Variants in DLG2 observed in about 807,000 individuals in gnomAD.
The protein encoded by DLG2 is disks large homolog 2.
DLG2 carries 45 observed loss-of-function variants against 132.5 expected under a neutral mutation model. That is an observed-to-expected ratio of 0.34 (90% CI 0.27 to 0.44). The LOEUF is 0.44. DLG2 is among the 20% of genes least tolerant of loss of function. The pLI, the probability that DLG2 is intolerant of heterozygous loss-of-function variation, is 1.00. For synonymous variants in DLG2, 424 were observed against 419.6 expected (o/e 1.01, Z -0.13); for missense variants, 1,045 against 1,196.9 (o/e 0.87, Z 1.87).
chr11:83,790,393 T>G, intron 17 of DLG2: 1 of 966,092 alleles, frequency 1.0e-6, no homozygotes. Context: ...CTAGCTTCCC[T>G]TCTGCCTCCC....
chr11:83,912,808 C>G (rs2154113246), intron 15 of DLG2, among the ~76,000 whole-genome samples: 1 of 152,158 alleles, frequency 6.6e-6, no homozygotes, highest in South Asian at 2.1e-4. Context: ...CAGCTCAACT[C>G]TATGGACTCG....
intron 6 of DLG2, among the ~76,000 whole-genome samples, chr11:84,784,362 A>AAATT (rs1157757583): frequency 1.4e-5 from 2 of 140,084 alleles, no homozygotes; most frequent in East Asian, 2.0e-4. Context: ...ATAAATAAAT[A>AAATT]AATAAATTAA....
At chr11:85,015,489 T>A (rs1024318193) in intron 6 of DLG2, among the ~76,000 whole-genome samples, 14 of 151,774 alleles carry the variant, frequency 9.2e-5, no homozygotes, top group Non-Finnish European at 1.8e-4. Context: ...TTTCTGTTTT[T>A]AAAAAAGTAA....
intron 17 of DLG2, among the ~76,000 whole-genome samples, chr11:83,823,309 GA>G (rs1332576320): frequency 2.4e-4 from 36 of 152,200 alleles, no homozygotes; most frequent in Admixed American, 2.0e-3. Context: ...ACATAGAGAA[GA>G]CACTTTGAAA....
chr11:84,770,882 T>G (rs913838830), intron 6 of DLG2, among the ~76,000 whole-genome samples: 4 of 151,620 alleles, frequency 2.6e-5, no homozygotes, highest in African/African-American at 9.7e-5. Flanking sequence ...CTCCTGACCC[T>G]CGTGATCTGC....
At chr11:84,315,096 G>A (rs781429703) in intron 7 of DLG2, among the ~76,000 whole-genome samples, 6 of 152,010 alleles carry the variant, frequency 3.9e-5, no homozygotes, top group African/African-American at 7.2e-5. Context: ...AAGGAGAGAT[G>A]GTGGCTACCT....
intron 21 of DLG2, among the ~76,000 whole-genome samples, chr11:83,488,608 G>T (rs1565439756): frequency 6.6e-6 from 1 of 151,798 alleles, no homozygotes; most frequent in Non-Finnish European, 1.5e-5. Flanking sequence ...TCATCTTCCT[G>T]TTCTTATTTC....
At chr11:84,349,837 A>AAAAT (rs2098554782) in intron 7 of DLG2, among the ~76,000 whole-genome samples, 1 of 150,602 alleles carries the variant, frequency 6.6e-6, no homozygotes, top group Non-Finnish European at 1.5e-5. Flanking sequence ...CTGCCTCTAA[A>AAAAT]ATATATATAT....
intron 22 of DLG2, among the ~76,000 whole-genome samples, chr11:83,483,094 G>T (rs987938246): frequency 6.6e-6 from 1 of 152,074 alleles, no homozygotes; most frequent in Non-Finnish European, 1.5e-5. Flanking sequence ...CAAAACGATC[G>T]AAAGTTACTT....
intron 3 of DLG2, among the ~76,000 whole-genome samples, chr11:85,592,082 C>T (rs1346959736): frequency 1.3e-5 from 2 of 152,088 alleles, no homozygotes; most frequent in Non-Finnish European, 2.9e-5. Flanking sequence ...TTAGTCTAGC[C>T]CCAAAAATTT....
intron 11 of DLG2, among the ~76,000 whole-genome samples, chr11:84,041,844 C>A (rs530166435): frequency 6.6e-6 from 1 of 151,708 alleles, no homozygotes; most frequent in Non-Finnish European, 1.5e-5. Flanking sequence ...AACTGGTGGG[C>A]GGTGATTGAA....
chr11:83,499,865 ATATAT>A lies in DLG2; in HGVS notation c.2194-15642_2194-15638del, dbSNP rs2094365062. Reference sequence around the variant, plus strand: ...CCACTAATAGGAGATATATATATATATATATATATATATATATATATATATATATA... The same window carrying A: ...CCACTAATAGGAGATATATATATATAATATATATATATATATATATATATA... On this transcript the variant is annotated intron_variant, in intron 21 of 27. Transcript: ENST00000376104. Among the ~76,000 whole-genome samples, 3 of 57,226 alleles carry A rather than the reference ATATAT, an allele frequency of 5.2e-5. No individual in the cohort carries two copies. The South Asian group carries it at 1.5e-3, about 29-fold the overall frequency. The allele number at this position is 57,226 out of a possible 152,430, so 37.5% of individuals were successfully genotyped here. A position where few individuals can be genotyped will look rare whatever the true frequency, so the allele number is the denominator to read the frequency against.
At chr11:83,551,013 T>C (rs1029724263) in intron 19 of DLG2, among the ~76,000 whole-genome samples, 3 of 152,188 alleles carry the variant, frequency 2.0e-5, no homozygotes, top group African/African-American at 7.2e-5. Flanking sequence ...GCATGACTCG[T>C]GAAGATCATG....
At chr11:83,588,495 AC>A (rs2097132044) in intron 19 of DLG2, among the ~76,000 whole-genome samples, 2 of 152,174 alleles carry the variant, frequency 1.3e-5, no homozygotes, top group Admixed American at 1.3e-4. Context: ...CATCACCATC[AC>A]CATCATCAAA....
intron 7 of DLG2, among the ~76,000 whole-genome samples, chr11:84,321,046 T>C (rs1472005389): frequency 2.0e-5 from 3 of 152,326 alleles, no homozygotes; most frequent in African/African-American, 7.2e-5. Context: ...ATTTTTGCAA[T>C]TGAATCTAAG....
At chr11:85,211,332 T>C (rs895847134) in intron 4 of DLG2, among the ~76,000 whole-genome samples, 4 of 152,182 alleles carry the variant, frequency 2.6e-5, no homozygotes, top group African/African-American at 9.6e-5. Flanking sequence ...CAAGGATTTA[T>C]TAAAAGTATT....
chr11:83,965,680 G>C (rs1258024630), intron 12 of DLG2, among the ~76,000 whole-genome samples: 1 of 151,922 alleles, frequency 6.6e-6, no homozygotes. Context: ...AAATGAGGAA[G>C]TGATATACAG....
intron 3 of DLG2, among the ~76,000 whole-genome samples, chr11:85,323,539 A>G (rs2081228916): frequency 6.6e-6 from 1 of 152,220 alleles, no homozygotes; most frequent in Non-Finnish European, 1.5e-5. Flanking sequence ...ATTTTGAAAT[A>G]TACAATAAAT....
chr11:84,357,862 G>C (rs2098626553), intron 7 of DLG2, among the ~76,000 whole-genome samples: 1 of 151,542 alleles, frequency 6.6e-6, no homozygotes, highest in Admixed American at 6.6e-5. Context: ...ACATGTAGTA[G>C]GTAAGAGTCT....
Sources: allele counts gnomAD v4.1 joint callset (sites outside exome capture counted in the v4.1 genomes callset), GRCh38; gene constraint gnomAD v4.1.1; transcripts MANE v1.5; gene names NCBI Gene and HGNC (gene_info 2026-07-23, HGNC 2026-07-21).